Variants in CEP112 observed in about 807,000 individuals in gnomAD.
CEP112 encodes centrosomal protein of 112 kDa.
In CEP112, 127 loss-of-function variants were observed where a neutral mutation model predicts 153.0. That is an observed-to-expected ratio of 0.83 (90% CI 0.72 to 0.96). The LOEUF (loss-of-function observed/expected upper bound fraction) is 0.96. Among genes scored for constraint, CEP112 ranks in the 40% least tolerant of loss-of-function variants. The probability of loss-of-function intolerance (pLI) is 0.00; values close to 1 mark genes in which losing one functional copy is unlikely to be tolerated. For synonymous variants in CEP112, 358 were observed against 374.4 expected (o/e 0.96, Z 0.51); for missense variants, 1,089 against 1,101.2 (o/e 0.99, Z 0.16).
At chr17:65,753,864 T>C (rs1371817420) in intron 21 of CEP112, among the ~76,000 whole-genome samples, 2 of 152,158 alleles carry the variant, frequency 1.3e-5, no homozygotes, top group Non-Finnish European at 2.9e-5. Flanking sequence ...TAATAGTTAG[T>C]GCAGGAAGGC....
At chr17:65,890,608 T>G (rs2059429020) in intron 20 of CEP112, among the ~76,000 whole-genome samples, 1 of 152,158 alleles carries the variant, frequency 6.6e-6, no homozygotes, top group South Asian at 2.1e-4. Flanking sequence ...GAATATAACC[T>G]TCTATTTCCA....
At chr17:66,033,456 CTGAT>C (rs1212421620) in intron 12 of CEP112, among the ~76,000 whole-genome samples, 1 of 152,188 alleles carries the variant, frequency 6.6e-6, no homozygotes, top group African/African-American at 2.4e-5. Flanking sequence ...ATCATGGCCT[CTGAT>C]TTCATCTCCT....
At chr17:65,966,035 G>T (rs998590047) in intron 17 of CEP112, among the ~76,000 whole-genome samples, 1 of 113,184 alleles carries the variant, frequency 8.8e-6, no homozygotes, top group Middle Eastern at 4.2e-3. Flanking sequence ...AAGGACTGAA[G>T]ATTTTTTTTT....
At chr17:66,024,799 C>T (rs927687987) in intron 16 of CEP112, among the ~76,000 whole-genome samples, 1 of 151,952 alleles carries the variant, frequency 6.6e-6, no homozygotes, top group Non-Finnish European at 1.5e-5. Context: ...AAACAATCCT[C>T]AAATTCATAT....
intron 17 of CEP112, among the ~76,000 whole-genome samples, chr17:65,963,281 T>C (rs1369349964): frequency 7.6e-6 from 1 of 132,178 alleles, no homozygotes; most frequent in Non-Finnish European, 1.6e-5. Flanking sequence ...TGGGCGGGGG[T>C]GGGTAATTTA....
chr17:65,788,195 G>A (rs1446773342), intron 21 of CEP112, among the ~76,000 whole-genome samples: 3 of 152,056 alleles, frequency 2.0e-5, no homozygotes, highest in Non-Finnish European at 4.4e-5. Flanking sequence ...GTGTGGCAAC[G>A]TGATGGATTA....
In CEP112 at chr17:66,192,058, G is replaced by A. The variant is rs189912907; in HGVS notation, c.-70C>T. 0.035 allele frequency: 5,420 copies of A among 153,932 alleles called. 141 individuals are homozygous for A. Among genetic ancestry groups the A allele is most frequent in the Middle Eastern group, 0.063 (19 of 302 alleles). 9.5% of individuals were successfully genotyped at this position (153,932 alleles called of 1,614,324 possible). A position where few individuals can be genotyped will look rare whatever the true frequency, so the allele number is the denominator to read the frequency against. On this transcript the variant is annotated 5_prime_UTR_variant, in exon 1 of 27. Transcript: ENST00000535342. ...TGCCGCCAACGCCGCCGCCACCGCCGCCCCTGCCAAACGGTTTCAAATCCT... is the reference window on the plus strand; with the variant it reads ...TGCCGCCAACGCCGCCGCCACCGCCACCCCTGCCAAACGGTTTCAAATCCT...
At chr17:66,113,046 G>A (rs1460551587) in intron 6 of CEP112, among the ~76,000 whole-genome samples, 2 of 151,964 alleles carry the variant, frequency 1.3e-5, no homozygotes, top group African/African-American at 4.8e-5. Flanking sequence ...TCCAGCCTGG[G>A]TAACAAGAGC....
chr17:66,060,511 A>T (rs1404182882), intron 11 of CEP112, among the ~76,000 whole-genome samples: 2 of 152,196 alleles, frequency 1.3e-5, no homozygotes, highest in African/African-American at 2.4e-5. Flanking sequence ...AATATACTTC[A>T]AACTTGTAGT....
At chr17:66,066,002 C>T (rs78251955) in intron 10 of CEP112, among the ~76,000 whole-genome samples, 7,335 of 152,232 alleles carry the variant, frequency 0.048, 229 homozygotes, top group African/African-American at 0.07. Flanking sequence ...TACAACTTAC[C>T]TATTTCAGCA....
chr17:65,639,481 GC>G (rs1430838787), intron 25 of CEP112, among the ~76,000 whole-genome samples: 1 of 151,570 alleles, frequency 6.6e-6, no homozygotes, highest in Non-Finnish European at 1.5e-5. Flanking sequence ...TTCGAGACCA[GC>G]CTGGCCAAGA....
At chr17:65,869,377 G>T (rs1037332284) in intron 20 of CEP112, among the ~76,000 whole-genome samples, 2 of 152,044 alleles carry the variant, frequency 1.3e-5, no homozygotes, top group South Asian at 4.1e-4. Context: ...CCATCTTGTG[G>T]TTCGGTGAAA....
intron 17 of CEP112, among the ~76,000 whole-genome samples, chr17:66,000,228 C>CTT (rs1381733388): frequency 1.1e-5 from 1 of 93,348 alleles, no homozygotes; most frequent in Non-Finnish European, 2.2e-5. Flanking sequence ...TCACTGGCAT[C>CTT]TGTTTTTTTT....
Position 66,133,213 on chromosome 17 carries a change from G to A in CEP112, c.471-450C>T, listed in dbSNP as rs559090455. 5.9e-5 allele frequency among the ~76,000 whole-genome samples: 9 copies of A among 152,222 alleles called. No homozygotes were observed. In the East Asian group the frequency reaches 1.7e-3, roughly 29 times the overall value. ...GCAAATGCTATTTTTAAGTCAGACT[G>A]TAATAAATCACCTGTATTTAAATCT... On this transcript the variant is annotated intron_variant, in intron 4 of 26. Coordinates refer to ENST00000535342, the MANE Select transcript of CEP112 (RefSeq NM_001199165.4).
At chr17:65,738,547 T>C (rs1052367855) in intron 23 of CEP112, among the ~76,000 whole-genome samples, 1 of 152,204 alleles carries the variant, frequency 6.6e-6, no homozygotes, top group African/African-American at 2.4e-5. Flanking sequence ...CATAGTAGGA[T>C]ATCAGAAATA....
intron 21 of CEP112, among the ~76,000 whole-genome samples, chr17:65,832,581 G>A (rs2057129829): frequency 6.6e-6 from 1 of 151,940 alleles, no homozygotes; most frequent in African/African-American, 2.4e-5. Flanking sequence ...ACACCCCTAT[G>A]CATACAAACT....
At chr17:66,125,382 T>C (rs781479159) in intron 6 of CEP112, among the ~76,000 whole-genome samples, 21 of 152,156 alleles carry the variant, frequency 1.4e-4, no homozygotes, top group Non-Finnish European at 1.5e-5. Flanking sequence ...GAGTCAGGCA[T>C]GGTGGTGTGC....
At chr17:66,078,589 AT>A (rs1464359645) in intron 8 of CEP112, among the ~76,000 whole-genome samples, 1 of 152,058 alleles carries the variant, frequency 6.6e-6, no homozygotes, top group African/African-American at 2.4e-5. Context: ...CATTTAGGCC[AT>A]TTACATGCAA....
At chr17:65,679,251 C>T (rs1192877765) in intron 24 of CEP112, among the ~76,000 whole-genome samples, 2 of 136,768 alleles carry the variant, frequency 1.5e-5, no homozygotes, top group Non-Finnish European at 1.5e-5. Flanking sequence ...TCTCTCATAA[C>T]AAGTCTTAGA....
Sources: allele counts gnomAD v4.1 joint callset (sites outside exome capture counted in the v4.1 genomes callset), GRCh38; gene constraint gnomAD v4.1.1; transcripts MANE v1.5; gene names NCBI Gene and HGNC (gene_info 2026-07-23, HGNC 2026-07-21).